AVEN: variants seen among roughly 807,000 people sequenced by gnomAD.
AVEN encodes the protein cell death regulator Aven.
In AVEN, 41 loss-of-function variants were observed where a neutral mutation model predicts 38.1. The observed-to-expected ratio is 1.08, with a 90% confidence interval of 0.84 to 1.40. The LOEUF is 1.40. AVEN is among the 40% of genes most tolerant of loss of function. The pLI is 0.00. For missense variants in AVEN, 605 were observed against 438.8 expected (o/e 1.38, Z -3.38); for synonymous variants, 206 against 171.8 (o/e 1.20, Z -1.56).
intron 2 of AVEN, among the ~76,000 whole-genome samples, chr15:33,994,335 C>T (rs1306203840): frequency 6.6e-6 from 1 of 152,220 alleles, no homozygotes; most frequent in Non-Finnish European, 1.5e-5. Context: ...CTGTCAGTCT[C>T]CCATCATTCC....
intron 2 of AVEN, among the ~76,000 whole-genome samples, chr15:34,000,162 G>A (rs1897083868): frequency 6.6e-6 from 1 of 152,008 alleles, no homozygotes; most frequent in Non-Finnish European, 1.5e-5. Flanking sequence ...TAAGACCCCT[G>A]GCTACTTCTA....
intron 2 of AVEN, among the ~76,000 whole-genome samples, chr15:33,959,714 C>T (rs1597275461): frequency 6.6e-6 from 1 of 152,160 alleles, no homozygotes; most frequent in African/African-American, 2.4e-5. Context: ...TCCTTCTCAG[C>T]AAATGCTGGA....
intron 2 of AVEN, among the ~76,000 whole-genome samples, chr15:33,965,552 A>C (rs1286625484): frequency 6.6e-6 from 1 of 152,180 alleles, no homozygotes; most frequent in African/African-American, 2.4e-5. Flanking sequence ...CTTGTAAAAG[A>C]AAAAATCATT....
intron 1 of AVEN, among the ~76,000 whole-genome samples, chr15:34,071,283 TTTTTCA>T (rs901416434): frequency 6.6e-6 from 1 of 152,134 alleles, no homozygotes; most frequent in Non-Finnish European, 1.5e-5. Flanking sequence ...TTGCTGCTTA[TTTTTCA>T]TTTTAATTTT....
At chr15:33,978,328 G>A (rs1197681718) in intron 2 of AVEN, among the ~76,000 whole-genome samples, 1 of 152,150 alleles carries the variant, frequency 6.6e-6, no homozygotes, top group African/African-American at 2.4e-5. Context: ...AACAGAGTGG[G>A]GGAGTACATT....
chr15:33,894,446 T>C (rs1892122921), intron 2 of AVEN, among the ~76,000 whole-genome samples: 1 of 149,246 alleles, frequency 6.7e-6, no homozygotes, highest in South Asian at 2.1e-4. Flanking sequence ...CAGCTAATAC[T>C]AAAAATGTAA....
chr15:33,863,582 A>C (rs1889311554), downstream of AVEN, among the ~76,000 whole-genome samples: 2 of 152,198 alleles, frequency 1.3e-5, 1 homozygote, highest in African/African-American at 4.8e-5. Flanking sequence ...TGTGTCACAG[A>C]CAAACTCAAA....
At chr15:33,980,884 T>A (rs912220469) in intron 2 of AVEN, among the ~76,000 whole-genome samples, 1 of 152,132 alleles carries the variant, frequency 6.6e-6, no homozygotes, top group Admixed American at 6.5e-5. Flanking sequence ...AAAATACAGC[T>A]AAATGTAGCC....
chr15:34,046,923 T>C (rs1899710823), intron 5 of AVEN: 1 of 152,326 alleles, frequency 6.6e-6, no homozygotes, highest in South Asian at 2.1e-4. Flanking sequence ...CCACAGGTCT[T>C]TGCAACCCAT....
In AVEN at chr15:34,063,823, A is replaced by C. The variant is rs765881650; in HGVS notation, n.1127-391T>G. The C allele has an allele frequency of 1.2e-6, 2 of 1,614,234 alleles. No homozygotes were observed. The highest frequency in any genetic ancestry group is 1.7e-6 in the Non-Finnish European group (2 of 1,180,038). ...TACCTTCTGTCTCCAGCAGCTGCTC[A>C]TAGACCCAAGAGTCAGAAATGTGTG... On this transcript the variant is annotated intron_variant and non_coding_transcript_variant, in intron 4 of 11. Transcript: ENST00000675287. This position sits in a 1 kb window ranked among gnomAD's most constrained non-coding sequence, Gnocchi z 4.1.
At chr15:33,882,848 G>C (rs1370342677) in intron 2 of AVEN, among the ~76,000 whole-genome samples, 2 of 152,150 alleles carry the variant, frequency 1.3e-5, no homozygotes, top group Non-Finnish European at 2.9e-5. Flanking sequence ...ACTCCAGCCT[G>C]GGTGACGGAA....
Position 33,946,706 on chromosome 15 carries a change from A to G in AVEN, c.445+56326T>C, listed in dbSNP as rs574639413. ...GTGAGTGATGCACAGGACAAGGGAA[A>G]CAGCCCTCCAGACAGAGAGCAGCAG... On this transcript the variant is annotated intron_variant, in intron 2 of 5. Transcript: ENST00000306730. 2.0e-5 allele frequency among the ~76,000 whole-genome samples: 3 copies of G among 152,332 alleles called. No individual in the cohort carries two copies. In the East Asian group the frequency reaches 5.8e-4, roughly 29 times the overall value.
At chr15:34,007,611 A>C in intron 1 of AVEN, among the ~76,000 whole-genome samples, 1 of 152,188 alleles carries the variant, frequency 6.6e-6, no homozygotes, top group East Asian at 1.9e-4. Context: ...CTCACTACAC[A>C]ATTCCAAAGC....
At chr15:34,018,063 A>G (rs1445360078) in intron 1 of AVEN, among the ~76,000 whole-genome samples, 1 of 152,234 alleles carries the variant, frequency 6.6e-6, no homozygotes, top group Non-Finnish European at 1.5e-5. Context: ...TGTATTTACT[A>G]TATTATACTT....
At chr15:33,899,459 C>CTTTTTTTTTTTTT (rs1567403765) in intron 2 of AVEN, among the ~76,000 whole-genome samples, 1 of 83,322 alleles carries the variant, frequency 1.2e-5, no homozygotes, top group East Asian at 4.4e-4. Flanking sequence ...TCAGGGAAAA[C>CTTTTTTTTTTTTT]CTTTTTTTTT....
chr15:34,014,244 A>G (rs1368263356), intron 1 of AVEN, among the ~76,000 whole-genome samples: 2 of 151,716 alleles, frequency 1.3e-5, no homozygotes, highest in African/African-American at 4.8e-5. Context: ...CGCACCTGTA[A>G]CCCCAGCTAC....
chr15:33,904,712 T>TACACACACACACAC lies in AVEN; in HGVS notation c.446-28718_446-28717insGTGTGTGTGTGTGT, dbSNP rs1394478053. 2.5e-3 allele frequency among the ~76,000 whole-genome samples: 342 copies of TACACACACACACAC among 138,200 alleles called. 2 individuals carry two copies. The highest frequency in any genetic ancestry group is 0.011 in the Middle Eastern group (3 of 270). 90.7% of individuals were successfully genotyped at this position (138,200 alleles called of 152,430 possible). On this transcript the variant is annotated intron_variant, in intron 2 of 5. Transcript: ENST00000306730. ...AAAAAAAAATATATATATATATATA[T>TACACACACACACAC]ATATACACACACACACGAATATGCA...
In AVEN at chr15:33,899,460, C is replaced by CTTTTTTTTTTTTTTTTTT. The variant is rs533788693; in HGVS notation, c.446-23483_446-23466dup. ...TACATTTATTTGCTTCAGGGAAAAC[C>CTTTTTTTTTTTTTTTTTT]TTTTTTTTTTTTTTTTTTTTTTTTT... On this transcript the variant is annotated intron_variant, in intron 2 of 5. Transcript: ENST00000306730. Among the ~76,000 whole-genome samples, 34 of 65,436 alleles carry CTTTTTTTTTTTTTTTTTT rather than the reference C, an allele frequency of 5.2e-4. 3 individuals carry two copies. The highest frequency in any genetic ancestry group is 4.4e-3 in the East Asian group (9 of 2,030). The allele number at this position is 65,436 out of a possible 152,430, so 42.9% of individuals were successfully genotyped here.
intron 2 of AVEN, among the ~76,000 whole-genome samples, chr15:33,976,615 T>G (rs544934249): frequency 6.0e-4 from 91 of 152,282 alleles, no homozygotes; most frequent in African/African-American, 2.1e-3. Flanking sequence ...TTATTTAGGC[T>G]TTTTAAGTAT....
Sources: gnomAD v4.1 joint callset for allele counts (sites outside exome capture counted in the v4.1 genomes callset) on GRCh38, gnomAD v4.1.1 for gene constraint, Gnocchi (gnomAD v3.1) non-coding constraint, MANE v1.5 for transcripts, NCBI Gene and HGNC (gene_info 2026-07-23, HGNC 2026-07-21) for gene names.